Variants in COL5A2 observed in about 807,000 individuals in gnomAD.
COL5A2 encodes the protein collagen type V alpha 2 chain, also known as collagen alpha-2(V) chain.
In COL5A2, 23 loss-of-function variants were observed where a neutral mutation model predicts 208.2. The observed-to-expected ratio is 0.11, with a 90% CI of 0.08 to 0.16. COL5A2 has a LOEUF of 0.16. COL5A2 is among the 10% of genes least tolerant of loss of function. The probability of loss-of-function intolerance (pLI) is 1.00; values close to 1 mark genes in which losing one functional copy is unlikely to be tolerated. For missense variants in COL5A2, 1,590 were observed against 1,956.4 expected, an observed-to-expected ratio of 0.81 and a Z score of 3.53; for synonymous variants, 625 against 628.5, an observed-to-expected ratio of 0.99 and a Z score of 0.08.
chr2:189,055,673 AT>A (rs1351223641), intron 35 of COL5A2, among the ~76,000 whole-genome samples: 4 of 152,188 alleles, frequency 2.6e-5, no homozygotes, highest in Non-Finnish European at 5.9e-5. Context: ...AAAACATGTT[AT>A]TCATTTTTTC....
chr2:189,419,750 C>T, the COL5A2 span, among the ~76,000 whole-genome samples: 1 of 151,454 alleles, frequency 6.6e-6, no homozygotes. Flanking sequence ...GAGCTATGAT[C>T]CTACCACTGC....
intron 6 of COL5A2, among the ~76,000 whole-genome samples, chr2:189,096,953 T>G (rs1211672411): frequency 6.6e-6 from 1 of 152,192 alleles, no homozygotes; most frequent in Non-Finnish European, 1.5e-5. Context: ...TCCAGCTTGG[T>G]TATTCCTGTG....
In COL5A2 at chr2:189,043,230, C is replaced by T; in HGVS notation, c.3392G>A (p.Gly1131Asp). 2.5e-6 allele frequency: 4 copies of T among 1,613,818 alleles called. No individual in the cohort carries two copies. The highest frequency in any genetic ancestry group is 1.7e-4 in the Middle Eastern group (1 of 6,050). ...TCTGTCACCTCGGTCTCCATGATCA[C>T]CTTTGTCACCACGAGGTCCTTGGGG... Reference protein sequence around the residue: ...PGPQGPRGDKGDHGDRGDRGQ... With the variant: ...PGPQGPRGDKDDHGDRGDRGQ... Residue 1131 changes from glycine to aspartate, a missense_variant, in exon 48 of 54, where the codon GGT becomes GAT. Transcript: ENST00000374866.
chr2:189,156,803 C>T (rs1249541960), intron 1 of COL5A2, among the ~76,000 whole-genome samples: 1 of 151,998 alleles, frequency 6.6e-6, no homozygotes, highest in East Asian at 1.9e-4. Context: ...TCCAAAATAG[C>T]TAGCATAAAA....
At chr2:189,229,557 A>G (rs527363415), upstream of COL5A2, among the ~76,000 whole-genome samples, 3 of 151,904 alleles carry the variant, frequency 2.0e-5, no homozygotes, top group South Asian at 6.2e-4. Flanking sequence ...CTGAAAAGGA[A>G]ATTAGGAAAA....
the COL5A2 span, among the ~76,000 whole-genome samples, chr2:189,326,089 C>G: frequency 5.0e-3 from 561 of 111,702 alleles, 6 homozygotes; most frequent in African/African-American, 0.016. Context: ...AGAGCAAGAC[C>G]CTGTCTCAAA....
At position 189,051,491 on chromosome 2, in the gene COL5A2, C is replaced by G. The variant is rs1559079941; in HGVS notation, c.2770-10G>C. On this transcript the variant is annotated splice_polypyrimidine_tract_variant and intron_variant, in intron 41 of 53. Coordinates refer to ENST00000374866, the MANE Select transcript of COL5A2 (RefSeq NM_000393.5). ...CAGGTCCTGGAGCTCCCTAGTATAA[C>G]AAAGAAAGAAACACCAAGGAGGGCA... 1.9e-6 allele frequency: 3 copies of G among 1,594,080 alleles called. No individual in the cohort carries two copies. The highest frequency in any genetic ancestry group is 1.7e-6 in the Non-Finnish European group (2 of 1,172,634).
intron 51 of COL5A2, among the ~76,000 whole-genome samples, chr2:189,037,066 T>C (rs751665965): frequency 1.3e-5 from 2 of 152,174 alleles, no homozygotes; most frequent in African/African-American, 2.4e-5. Flanking sequence ...CCCCATTTTA[T>C]AGATGAGAAA....
At chr2:189,237,494 A>G in the COL5A2 span, among the ~76,000 whole-genome samples, 1 of 151,812 alleles carries the variant, frequency 6.6e-6, no homozygotes. Flanking sequence ...ATGAAATGAT[A>G]CACATAATAA....
the COL5A2 span, among the ~76,000 whole-genome samples, chr2:189,408,007 C>T: frequency 6.6e-6 from 1 of 152,152 alleles, no homozygotes; most frequent in African/African-American, 2.4e-5. Flanking sequence ...AAGTAGACTG[C>T]ATTACTTCAG....
the COL5A2 span, among the ~76,000 whole-genome samples, chr2:189,301,951 C>T: frequency 2.7e-3 from 408 of 152,066 alleles, 2 homozygotes; most frequent in African/African-American, 9.2e-3. Flanking sequence ...ACAGAACATA[C>T]GTAGTGATTT....
chr2:189,050,684 T>A lies in COL5A2; in HGVS notation c.2932-8A>T. 13 of 1,549,836 alleles carry A rather than the reference T, an allele frequency of 8.4e-6. No homozygotes were observed. The highest frequency in any genetic ancestry group is 1.1e-5 in the Non-Finnish European group (13 of 1,145,598). ...AGGGGGGCCATCTGGACCCTAATGT[T>A]GAGGACAAACTAAAATCAGAAACTA... On this transcript the variant is annotated splice_polypyrimidine_tract_variant and splice_region_variant and intron_variant, in intron 42 of 53. Coordinates refer to ENST00000374866, the MANE Select transcript of COL5A2 (RefSeq NM_000393.5).
intron 25 of COL5A2, among the ~76,000 whole-genome samples, 182 bp from the exon 26 acceptor site, chr2:189,064,215 T>C (rs1686096199): frequency 6.6e-6 from 1 of 152,168 alleles, no homozygotes; most frequent in Non-Finnish European, 1.5e-5. Flanking sequence ...AATTACTTTA[T>C]TTGCTATATT....
At chr2:189,316,107 T>C in the COL5A2 span, among the ~76,000 whole-genome samples, 6 of 152,270 alleles carry the variant, frequency 3.9e-5, no homozygotes, top group Non-Finnish European at 8.8e-5. Context: ...ATTCCATTAC[T>C]TGCTATATAC....
At chr2:189,250,271 TTAC>T in the COL5A2 span, among the ~76,000 whole-genome samples, 30 of 152,066 alleles carry the variant, frequency 2.0e-4, no homozygotes, top group Non-Finnish European at 2.6e-4. Context: ...ATTCATGAGG[TTAC>T]TACTATAACA....
At chr2:189,118,474 G>C (rs1043406249) in intron 1 of COL5A2, among the ~76,000 whole-genome samples, 1 of 152,020 alleles carries the variant, frequency 6.6e-6, no homozygotes, top group Non-Finnish European at 1.5e-5. Context: ...TCCAGACATT[G>C]TAGTCAGCTT....
At chr2:189,172,516 A>T (rs1688591091) in intron 1 of COL5A2, among the ~76,000 whole-genome samples, 2 of 152,210 alleles carry the variant, frequency 1.3e-5, no homozygotes, top group African/African-American at 4.8e-5. Flanking sequence ...CCATCAGATG[A>T]CAAAGGTGCA....
chr2:189,115,763 G>A (rs116320864), intron 1 of COL5A2, among the ~76,000 whole-genome samples: 85 of 152,304 alleles, frequency 5.6e-4, no homozygotes, highest in Non-Finnish European at 1.0e-3. Context: ...TTTGATAAAC[G>A]TATGTGTAGC....
At chr2:189,132,814 G>A (rs905654230) in intron 1 of COL5A2, among the ~76,000 whole-genome samples, 2 of 152,000 alleles carry the variant, frequency 1.3e-5, no homozygotes, top group Non-Finnish European at 2.9e-5. Context: ...CCAGCTACTC[G>A]GGAGGCTGAG....
Sources: gnomAD v4.1 joint callset for allele counts (sites outside exome capture counted in the v4.1 genomes callset) on GRCh38, gnomAD v4.1.1 for gene constraint, MANE v1.5 for transcripts, NCBI Gene and HGNC (gene_info 2026-07-23, HGNC 2026-07-21) for gene names.